KIAA1217: variants seen among roughly 807,000 people sequenced by gnomAD.
KIAA1217 encodes sickle tail protein homolog.
Under a neutral mutation model 163.9 loss-of-function variants are expected in KIAA1217, and 88 were observed. That is an observed-to-expected ratio of 0.54 (90% CI 0.45 to 0.64). The LOEUF is 0.64. Among genes scored for constraint, KIAA1217 ranks in the 30% least tolerant of loss-of-function variants. KIAA1217 has a pLI of 0.00. For synonymous variants in KIAA1217, 903 were observed against 923.1 expected (o/e 0.98, Z 0.39); for missense variants, 2,372 against 2,475.0 (o/e 0.96, Z 0.88).
chr10:24,048,360 T>A (rs1373962009), intron 2 of KIAA1217, among the ~76,000 whole-genome samples: 1 of 152,260 alleles, frequency 6.6e-6, no homozygotes, highest in Non-Finnish European at 1.5e-5. Flanking sequence ...TTAAATATAG[T>A]ATGAGCTATG....
At chr10:24,402,543 G>C (rs1451074369) in intron 3 of KIAA1217, among the ~76,000 whole-genome samples, 1 of 124,386 alleles carries the variant, frequency 8.0e-6, no homozygotes, top group East Asian at 2.2e-4. Context: ...AAAAAAAAAA[G>C]GCAAAGGAGT....
chr10:24,349,417 C>G (rs556700726), intron 2 of KIAA1217, among the ~76,000 whole-genome samples: 2 of 152,270 alleles, frequency 1.3e-5, no homozygotes, highest in Admixed American at 1.3e-4. Context: ...TGTTGGACAC[C>G]AACTAGGCAT....
At chr10:23,854,147 A>G (rs1225706877) in intron 1 of KIAA1217, among the ~76,000 whole-genome samples, 1 of 151,998 alleles carries the variant, frequency 6.6e-6, no homozygotes, top group Non-Finnish European at 1.5e-5. Flanking sequence ...TCTTGTGGGC[A>G]TTTAGTGCTA....
chr10:24,503,889 A>T (rs12217918), intron 9 of KIAA1217, among the ~76,000 whole-genome samples: 1 of 152,110 alleles, frequency 6.6e-6, no homozygotes. Context: ...AAAAACATAC[A>T]TATCATTTGT....
intron 2 of KIAA1217, among the ~76,000 whole-genome samples, chr10:24,243,277 C>G (rs954482250): frequency 6.6e-6 from 1 of 152,008 alleles, no homozygotes; most frequent in African/African-American, 2.4e-5. Flanking sequence ...ATTTTATTTT[C>G]TTTTAGATTC....
At chr10:24,286,164 A>G (rs1262245026) in intron 2 of KIAA1217, among the ~76,000 whole-genome samples, 1 of 152,022 alleles carries the variant, frequency 6.6e-6, no homozygotes, top group Non-Finnish European at 1.5e-5. Context: ...ATATGTTTAT[A>G]TGCATCTGTT....
chr10:23,934,577 A>ATATATGTGTGTATATATATATG (rs1843413838), intron 1 of KIAA1217, among the ~76,000 whole-genome samples: 1 of 57,914 alleles, frequency 1.7e-5, no homozygotes, highest in African/African-American at 1.8e-4. Context: ...ATATATATAT[A>ATATATGTGTGTATATATATATG]TATATATATA....
At chr10:24,033,070 G>T (rs1050357982) in intron 2 of KIAA1217, among the ~76,000 whole-genome samples, 2 of 152,122 alleles carry the variant, frequency 1.3e-5, no homozygotes, top group African/African-American at 2.4e-5. Context: ...ACCCAAAAAA[G>T]TTCCTCTTGG....
chr10:23,919,784 C>T (rs2131288785), intron 1 of KIAA1217, among the ~76,000 whole-genome samples: 1 of 152,192 alleles, frequency 6.6e-6, no homozygotes, highest in South Asian at 2.1e-4. Flanking sequence ...TTCGGTGCTA[C>T]CCAAAGAGAG....
At chr10:24,128,029 ATTAT>A (rs1374715608) in intron 2 of KIAA1217, among the ~76,000 whole-genome samples, 2 of 152,218 alleles carry the variant, frequency 1.3e-5, no homozygotes, top group Non-Finnish European at 2.9e-5. Flanking sequence ...GCCTCACCAA[ATTAT>A]TTTAGATTAA....
At chr10:24,050,944 A>C (rs922548342) in intron 2 of KIAA1217, among the ~76,000 whole-genome samples, 43 of 151,774 alleles carry the variant, frequency 2.8e-4, no homozygotes, top group African/African-American at 9.9e-4. Context: ...TATTTCACTT[A>C]TTTTGGGGGA....
At chr10:24,317,101 A>G (rs1185323497) in intron 2 of KIAA1217, among the ~76,000 whole-genome samples, 2 of 152,118 alleles carry the variant, frequency 1.3e-5, no homozygotes, top group Non-Finnish European at 2.9e-5. Context: ...TACCAAAAAT[A>G]CTGCAATGTA....
chr10:24,142,617 C>T (rs1405221236), intron 2 of KIAA1217, among the ~76,000 whole-genome samples: 1 of 152,110 alleles, frequency 6.6e-6, no homozygotes, highest in Non-Finnish European at 1.5e-5. Flanking sequence ...AATAAATAAA[C>T]TTTTAATTTA....
intron 2 of KIAA1217, among the ~76,000 whole-genome samples, chr10:24,026,003 T>A (rs1847925574): frequency 6.6e-6 from 1 of 151,968 alleles, no homozygotes; most frequent in Non-Finnish European, 1.5e-5. Flanking sequence ...TTATTTCATT[T>A]TCTTGCTTTA....
intron 1 of KIAA1217, among the ~76,000 whole-genome samples, chr10:23,698,160 T>A (rs1836172015): frequency 6.6e-6 from 1 of 152,214 alleles, no homozygotes. Flanking sequence ...TGTTTGGGGC[T>A]TTGTATTCTG....
At chr10:24,544,844 G>A in intron 19 of KIAA1217, 137 bp from the exon 20 acceptor site, 1 of 877,262 alleles carries the variant, frequency 1.1e-6, no homozygotes, top group Non-Finnish European at 1.8e-6. Context: ...ACCCCAGTTG[G>A]TGTCTCCTAG....
intron 1 of KIAA1217, among the ~76,000 whole-genome samples, chr10:23,959,435 A>T (rs959615433): frequency 1.3e-5 from 2 of 152,168 alleles, no homozygotes; most frequent in African/African-American, 4.8e-5. Flanking sequence ...AGGCAGGAGG[A>T]TCGCTTGAGC....
chr10:23,974,883 T>C (rs1471468798), intron 1 of KIAA1217, among the ~76,000 whole-genome samples: 2 of 149,622 alleles, frequency 1.3e-5, no homozygotes, highest in African/African-American at 4.9e-5. Flanking sequence ...TGATTATCCT[T>C]CCCCCCCCCA....
At chr10:23,956,899 C>A (rs1158594171) in intron 1 of KIAA1217, among the ~76,000 whole-genome samples, 2 of 152,242 alleles carry the variant, frequency 1.3e-5, no homozygotes, top group Admixed American at 1.3e-4. Flanking sequence ...CAAATACCTC[C>A]CACCAGTCTC....
Sources: allele counts gnomAD v4.1 joint callset (sites outside exome capture counted in the v4.1 genomes callset), GRCh38; gene constraint gnomAD v4.1.1; transcripts MANE v1.5; gene names NCBI Gene and HGNC (gene_info 2026-07-23, HGNC 2026-07-21).